Variants in NKTR observed in about 807,000 individuals in gnomAD.
NKTR encodes the protein natural killer cell triggering receptor, also known as NK-tumor recognition protein.
A neutral mutation model predicts 156.3 loss-of-function variants in NKTR; 67 were observed. The observed-to-expected ratio is 0.43, with a 90% CI of 0.35 to 0.53. NKTR has a LOEUF of 0.53. Among genes scored for constraint, NKTR ranks in the 20% least tolerant of loss-of-function variants. The pLI is 0.01. For missense variants in NKTR, 1,604 were observed against 1,730.9 expected (o/e 0.93, Z 1.30); for synonymous variants, 640 against 596.6 (o/e 1.07, Z -1.06).
intron 3 of NKTR, 23 bp from the exon 4 acceptor site, chr3:42,618,997 C>CTTTTT (rs10712209): frequency 3.3e-5 from 45 of 1,355,206 alleles, no homozygotes; most frequent in East Asian, 1.2e-4. Flanking sequence ...AACTTCATTT[C>CTTTTT]TTTTTTTTTT....
intron 8 of NKTR, among the ~76,000 whole-genome samples, chr3:42,632,344 T>G (rs2125807444): frequency 6.6e-6 from 1 of 152,228 alleles, no homozygotes. Context: ...GTGTTAGGAT[T>G]ACAGATATGA....
chr3:42,609,528 G>A (rs1272622049), intron 2 of NKTR, among the ~76,000 whole-genome samples: 1 of 152,192 alleles, frequency 6.6e-6, no homozygotes, highest in African/African-American at 2.4e-5. Flanking sequence ...AAAAGTTCAA[G>A]AAGGGGAATT....
At chr3:42,635,057 T>TAAAAAAA (rs58779310) in intron 11 of NKTR, 164 bp from the exon 12 acceptor site, 68 of 286,354 alleles carry the variant, frequency 2.4e-4, no homozygotes, top group Non-Finnish European at 3.0e-4. Context: ...AGTTAAAAAC[T>TAAAAAAA]AAAAAAAAAA....
chr3:42,617,261 T>G (rs1354402156), intron 2 of NKTR, among the ~76,000 whole-genome samples: 1 of 152,188 alleles, frequency 6.6e-6, no homozygotes, highest in Non-Finnish European at 1.5e-5. Flanking sequence ...TAAAGAAGAT[T>G]TATAGTTCAG....
At chr3:42,621,997 A>G (rs1707948279) in intron 6 of NKTR, among the ~76,000 whole-genome samples, 1 of 151,860 alleles carries the variant, frequency 6.6e-6, no homozygotes, top group Admixed American at 6.6e-5. Flanking sequence ...TTATTTTCTG[A>G]TGTTGTATAG....
intron 6 of NKTR, chr3:42,629,633 A>G: frequency 8.2e-6 from 8 of 978,312 alleles, no homozygotes; most frequent in Non-Finnish European, 7.3e-6. Context: ...CTAGCTCTTA[A>G]ATATCTGTTT....
At chr3:42,600,833 C>A in intron 1 of NKTR, 55 bp downstream of exon 1, 1 of 428,746 alleles carries the variant, frequency 2.3e-6, no homozygotes, top group Non-Finnish European at 4.1e-6. Context: ...AGGCCCGGGG[C>A]GGGAGGGGGC....
Position 42,636,992 on chromosome 3 carries a change from C to G in NKTR, c.1288C>G (p.Arg430Gly). 1 of 1,612,586 alleles carries G rather than the reference C, an allele frequency of 6.2e-7. No homozygotes were observed. The highest frequency in any genetic ancestry group is 8.5e-7 in the Non-Finnish European group (1 of 1,179,650). ...AAGACACTCTGGCCACCATAAAAAA[C>G]GCAGAAAAGAAAAAAAGGTTAAGCA... ...TARHSGHHKKRRKEKKVKHKK... is the reference protein window; with the variant it reads ...TARHSGHHKKGRKEKKVKHKK... Residue 430 changes from arginine (R) to glycine (G), a missense_variant, in exon 13 of 17, where the codon CGC becomes GGC. By Grantham distance (125) the Arg-to-Gly change is moderately radical. Around this residue, in one of 6 missense-constraint regions of NKTR, gnomAD observed 1,255 missense variants for 1,243.7 expected, o/e 1.01. Transcript: ENST00000232978.
chr3:42,601,322 C>T (rs537601685), intron 2 of NKTR: 15 of 341,082 alleles, frequency 4.4e-5, no homozygotes, highest in East Asian at 4.2e-4. Context: ...GCCAGCCTGG[C>T]GCCAAGAAAA....
intron 4 of NKTR, 180 bp from the exon 5 acceptor site, chr3:42,619,484 G>C: frequency 7.1e-7 from 1 of 1,416,664 alleles, no homozygotes; most frequent in Non-Finnish European, 9.1e-7. Flanking sequence ...GGTATTTCTT[G>C]TAATGGGACT....
At chr3:42,640,038 G>T (rs571828281) in intron 13 of NKTR, among the ~76,000 whole-genome samples, 6 of 152,272 alleles carry the variant, frequency 3.9e-5, no homozygotes, top group African/African-American at 1.4e-4. Context: ...AAGGTGTGAG[G>T]CTGCTTCTTG....
chr3:42,602,580 A>G (rs1705623674), intron 2 of NKTR: 1 of 151,894 alleles, frequency 6.6e-6, no homozygotes, highest in Non-Finnish European at 1.5e-5. Flanking sequence ...TAATCCTGGA[A>G]ATTTGGTTGC....
Position 42,619,071 on chromosome 3 carries a change from C to G in NKTR, c.185C>G (p.Ser62Cys). ...TTGKKLCYKG[S>C]TFHRVVKNFM... ...GGGAAGAAGTTATGTTATAAAGGTT[C>G]TACGTTCCATCGTGTGGTTAAAAAC... The change falls in exon 4 of 17, where the codon TCT becomes TGT. Residue 62 changes from serine to cysteine, a missense_variant. Around this residue, in one of 6 missense-constraint regions of NKTR, gnomAD observed 73 missense variants for 90.7 expected, o/e 0.80. Coordinates refer to ENST00000232978, the MANE Select transcript of NKTR (RefSeq NM_005385.4). 1 of 1,601,612 alleles carries G rather than the reference C, an allele frequency of 6.2e-7. No individual in the cohort carries two copies. The highest frequency in any genetic ancestry group is 8.5e-7 in the Non-Finnish European group (1 of 1,175,192).
intron 9 of NKTR, chr3:42,633,352 CTT>C (rs991893435): frequency 7.7e-7 from 1 of 1,294,474 alleles, no homozygotes; most frequent in African/African-American, 1.5e-5. Flanking sequence ...TCCTGGAACT[CTT>C]AAAATAAAAA....
At chr3:42,604,146 C>A (rs1311898139) in intron 2 of NKTR, among the ~76,000 whole-genome samples, 1 of 152,120 alleles carries the variant, frequency 6.6e-6, no homozygotes, top group Non-Finnish European at 1.5e-5. Flanking sequence ...GTAGTGGTGT[C>A]TCTTTTCATT....
intron 12 of NKTR, among the ~76,000 whole-genome samples, chr3:42,636,276 A>C (rs755451432): frequency 2.6e-5 from 4 of 152,220 alleles, no homozygotes; most frequent in Non-Finnish European, 4.4e-5. Flanking sequence ...GCTCAGACAC[A>C]GTGGTGCTGA....
intron 6 of NKTR, chr3:42,629,207 ATAGT>A (rs1220982309): frequency 2.0e-6 from 2 of 984,578 alleles, no homozygotes; most frequent in Non-Finnish European, 2.4e-6. Context: ...AATTCACTAG[ATAGT>A]TTTTGTTCTG....
Position 42,645,955 on chromosome 3 carries a change from G to A in NKTR, c.4369G>A (p.Glu1457Lys). 6.2e-7 allele frequency: 1 copy of A among 1,613,296 alleles called. No homozygotes were observed. Reference protein sequence around the residue: ...RSYSHHRSPSESSRYS With the variant: ...RSYSHHRSPSKSSRYS ...TTACTCTCATCACCGGAGCCCCAGT[G>A]AGAGCAGCAGATACAGTTGAAAACG... Residue 1457 changes from glutamate to lysine, a missense_variant, in exon 17 of 17, where the codon GAG (glutamate) becomes AAG (lysine). By Grantham distance (56) the Glu-to-Lys change is moderately conservative (BLOSUM62 1). Coordinates refer to ENST00000232978, the MANE Select transcript of NKTR (RefSeq NM_005385.4).
chr3:42,600,952 G>A (rs1289853115), intron 1 of NKTR, 32 bp from the exon 2 acceptor site: 3 of 1,429,930 alleles, frequency 2.1e-6, no homozygotes, highest in African/African-American at 2.9e-5. Flanking sequence ...CCTCGCCCCT[G>A]CCCTGACCGC....
Sources: allele counts gnomAD v4.1 joint callset (sites outside exome capture counted in the v4.1 genomes callset), GRCh38; gene constraint gnomAD v4.1.1; regional missense constraint gnomAD v4.1.1; transcripts MANE v1.5; gene names NCBI Gene and HGNC (gene_info 2026-07-23, HGNC 2026-07-21).